The following REV3L variants were observed in gnomAD, a reference collection of about 807,000 sequenced individuals.
The protein encoded by REV3L is DNA polymerase zeta catalytic subunit.
A neutral mutation model predicts 299.4 loss-of-function variants in REV3L; 69 were observed. That is an observed-to-expected ratio of 0.23 (90% CI 0.19 to 0.28). The LOEUF (loss-of-function observed/expected upper bound fraction) is 0.28. REV3L is among the 10% of genes least tolerant of loss of function. The pLI is 1.00. For synonymous variants in REV3L, 1,238 were observed against 1,271.4 expected (o/e 0.97, Z 0.56); for missense variants, 3,128 against 3,693.8 (o/e 0.85, Z 3.97).
intron 1 of REV3L, among the ~76,000 whole-genome samples, chr6:111,451,602 A>G (rs1386665567): frequency 6.6e-6 from 1 of 152,152 alleles, no homozygotes; most frequent in Non-Finnish European, 1.5e-5. Context: ...TACTCTGCCT[A>G]TATTTAAAGC....
chr6:111,421,245 A>G (rs1377447195), intron 1 of REV3L, among the ~76,000 whole-genome samples: 1 of 152,242 alleles, frequency 6.6e-6, no homozygotes, highest in African/African-American at 2.4e-5. Flanking sequence ...TAAATTGCCC[A>G]TCTAAAATCT....
chr6:111,440,038 T>A (rs1299795302), intron 1 of REV3L, among the ~76,000 whole-genome samples: 1 of 152,110 alleles, frequency 6.6e-6, no homozygotes, highest in Non-Finnish European at 1.5e-5. Flanking sequence ...GAAAATGCTT[T>A]CCAAGAGTTC....
In REV3L at chr6:111,375,246, T is replaced by C; in HGVS notation, c.3109A>G (p.Ile1037Val). Residue 1037 changes from isoleucine to valine, a missense_variant, in exon 13 of 32, where the codon ATT becomes GTT. Around this residue, in one of 9 missense-constraint regions of REV3L, gnomAD observed 2,409 missense variants for 2,611.8 expected, o/e 0.92. Coordinates refer to ENST00000368802, the MANE Select transcript of REV3L (RefSeq NM_001372078.1). ...VPDSPATKYP[I>V]YPLTPKKSHR... ...CTTTTCTTTGGTGTTAGTGGATAAA[T>C]GGGATATTTGGTTGCAGGGGAGTCG... is the stretch of plus-strand genomic sequence containing the variant. The C allele has an allele frequency of 6.2e-7, 1 of 1,612,140 alleles. No homozygotes were observed.
chr6:111,422,310 G>A (rs1046411997), intron 1 of REV3L, among the ~76,000 whole-genome samples: 12 of 151,952 alleles, frequency 7.9e-5, no homozygotes, highest in African/African-American at 2.6e-4. Context: ...AATGGTCTAT[G>A]GCTGCTTATG....
intron 26 of REV3L, among the ~76,000 whole-genome samples, chr6:111,318,274 AG>A: frequency 6.6e-6 from 1 of 151,466 alleles, no homozygotes; most frequent in African/African-American, 2.4e-5. Context: ...TTTTTAGTAG[AG>A]ACGGGGTTTC....
At chr6:111,384,392 C>T (rs180944294) in intron 9 of REV3L, among the ~76,000 whole-genome samples, 41 of 152,004 alleles carry the variant, frequency 2.7e-4, no homozygotes, top group Middle Eastern at 6.8e-3. Context: ...ATATATATAA[C>T]TCAATAGTAA....
In REV3L at chr6:111,375,939, TAGAA is replaced by T; in HGVS notation, c.2412_2415del (p.Ser805ThrfsTer25). The T allele has an allele frequency of 6.2e-7, 1 of 1,613,970 alleles. No homozygotes were observed. Among genetic ancestry groups the T allele is most frequent in the Non-Finnish European group, 8.5e-7 (1 of 1,179,906 alleles). ...AGTTTCTGTGGTCTAGTAAGACAGT[TAGAA>T]AGAACAACACTGGGAAAAAACATAT... On this transcript the variant is annotated frameshift_variant, in exon 13 of 32. Transcript: ENST00000368802. LOFTEE classifies it high-confidence loss of function.
intron 1 of REV3L, among the ~76,000 whole-genome samples, chr6:111,477,720 A>G (rs1013134569): frequency 3.3e-5 from 5 of 152,218 alleles, no homozygotes; most frequent in African/African-American, 1.2e-4. Context: ...AGTTCTGTCC[A>G]TATCCTGAAT....
chr6:111,379,305 TTG>T (rs1780598714), intron 11 of REV3L, among the ~76,000 whole-genome samples: 1 of 152,222 alleles, frequency 6.6e-6, no homozygotes, highest in African/African-American at 2.4e-5. Flanking sequence ...AGTGATGGCT[TTG>T]GGTTGGAAAT....
At chr6:111,430,806 A>G in intron 1 of REV3L, 1 of 1,608,686 alleles carries the variant, frequency 6.2e-7, no homozygotes, top group Non-Finnish European at 8.5e-7. Flanking sequence ...TCTGGAGGAA[A>G]GCTGACCAGG....
chr6:111,406,888 T>C (rs1187202152), intron 3 of REV3L, among the ~76,000 whole-genome samples: 1 of 152,226 alleles, frequency 6.6e-6, no homozygotes, highest in Non-Finnish European at 1.5e-5. Flanking sequence ...ATATATTGGA[T>C]ACTGTGCTAA....
chr6:111,422,465 T>C (rs961334832), intron 1 of REV3L, among the ~76,000 whole-genome samples: 5 of 150,980 alleles, frequency 3.3e-5, no homozygotes, highest in African/African-American at 9.7e-5. Context: ...AGAAAATGTT[T>C]ATGATGTCTT....
At chr6:111,469,099 T>A (rs1791868253) in intron 1 of REV3L, among the ~76,000 whole-genome samples, 1 of 152,044 alleles carries the variant, frequency 6.6e-6, no homozygotes, top group Admixed American at 6.6e-5. Context: ...GAGGTGAAGG[T>A]GGCAGTGAGC....
intron 4 of REV3L, among the ~76,000 whole-genome samples, chr6:111,397,762 G>C (rs1411638615): frequency 6.6e-6 from 1 of 151,774 alleles, no homozygotes; most frequent in Non-Finnish European, 1.5e-5. Flanking sequence ...TCAGCCTCCT[G>C]AGTAGCTGAG....
At chr6:111,363,520 G>A (rs1778910299) in intron 16 of REV3L, among the ~76,000 whole-genome samples, 1 of 151,870 alleles carries the variant, frequency 6.6e-6, no homozygotes, top group Non-Finnish European at 1.5e-5. Context: ...ATGTAGCCCA[G>A]GATAGTCTTA....
chr6:111,482,670 G>A (rs967512185), intron 1 of REV3L, 80 bp downstream of exon 1: 108 of 910,626 alleles, frequency 1.2e-4, no homozygotes, highest in Non-Finnish European at 1.3e-4. Flanking sequence ...CCGGTGGCGT[G>A]TGCGCGTGTG....
At chr6:111,395,303 G>T (rs1782378400) in intron 4 of REV3L, among the ~76,000 whole-genome samples, 1 of 151,968 alleles carries the variant, frequency 6.6e-6, no homozygotes, top group Non-Finnish European at 1.5e-5. Context: ...TGGAAAATAT[G>T]GCCATTTTAA....
At chr6:111,377,629 G>T in intron 12 of REV3L, 72 bp downstream of exon 12, 1 of 1,450,052 alleles carries the variant, frequency 6.9e-7, no homozygotes, top group Non-Finnish European at 9.4e-7. Flanking sequence ...GAGCCAGAGC[G>T]CCTAGCCTCA....
At chr6:111,437,083 G>A (rs1787636991) in intron 1 of REV3L, among the ~76,000 whole-genome samples, 1 of 152,144 alleles carries the variant, frequency 6.6e-6, no homozygotes, top group Non-Finnish European at 1.5e-5. Context: ...TAATTAAAAA[G>A]TCAGACAATA....
Sources: gnomAD v4.1 joint callset for allele counts (sites outside exome capture counted in the v4.1 genomes callset) on GRCh38, gnomAD v4.1.1 for gene constraint, gnomAD v4.1.1 regional missense constraint, MANE v1.5 for transcripts, NCBI Gene and HGNC (gene_info 2026-07-23, HGNC 2026-07-21) for gene names.